GLIS3: variants seen among roughly 807,000 people sequenced by gnomAD.
The protein encoded by GLIS3 is GLIS family zinc finger 3, also known as zinc finger protein GLIS3.
Under a neutral mutation model 78.6 loss-of-function variants are expected in GLIS3, and 53 were observed. The observed-to-expected ratio is 0.67, with a 90% CI of 0.54 to 0.85. GLIS3 has a LOEUF of 0.85. GLIS3 is among the 40% of genes least tolerant of loss of function. The pLI is 0.00. For missense variants in GLIS3, 1,703 were observed against 1,231.1 expected (o/e 1.38, Z -5.74); for synonymous variants, 684 against 509.9 (o/e 1.34, Z -4.60).
intron 2 of GLIS3, among the ~76,000 whole-genome samples, chr9:4,143,289 G>A (rs141269326): frequency 6.6e-5 from 10 of 152,002 alleles, no homozygotes; most frequent in Admixed American, 6.6e-5. Context: ...TCTCTTGGCC[G>A]GGCACAGTGG....
chr9:4,378,779 G>A, the GLIS3 span, among the ~76,000 whole-genome samples: 1 of 152,124 alleles, frequency 6.6e-6, no homozygotes, highest in African/African-American at 2.4e-5. Flanking sequence ...TTCCCTGAGA[G>A]CAATAACTTA....
intron 8 of GLIS3, among the ~76,000 whole-genome samples, chr9:3,864,125 T>C (rs1183286646): frequency 6.6e-6 from 1 of 152,056 alleles, no homozygotes; most frequent in Non-Finnish European, 1.5e-5. Context: ...CCTAGACATT[T>C]GATGTAAAAA....
At chr9:3,999,669 A>G (rs78695464) in intron 4 of GLIS3, among the ~76,000 whole-genome samples, 2,005 of 152,274 alleles carry the variant, frequency 0.013, 56 homozygotes, top group African/African-American at 0.046. Context: ...AAAAGTCACT[A>G]TTGTAAACAT....
At chr9:4,310,767 A>T (rs1196144693) in intron 2 of GLIS3, among the ~76,000 whole-genome samples, 3 of 152,148 alleles carry the variant, frequency 2.0e-5, no homozygotes, top group Admixed American at 2.0e-4. Flanking sequence ...TGGGAAGGTG[A>T]TGAGGACTTG....
chr9:3,900,319 A>C lies in GLIS3; in HGVS notation c.1984-1484T>G, dbSNP rs890705677. ...AAAAACTTAAAAAAAAACAGTAATG[A>C]AGGTACAGTGAGAGAGGCATTGTTC... On this transcript the variant is annotated intron_variant, in intron 6 of 10. Coordinates refer to ENST00000381971, the MANE Select transcript of GLIS3 (RefSeq NM_001042413.2). Among the ~76,000 whole-genome samples, 95 of 152,134 alleles carry C rather than the reference A, an allele frequency of 6.2e-4. 1 individual carries two copies. The highest frequency in any genetic ancestry group is 3.2e-4 in the Non-Finnish European group (22 of 68,020).
the GLIS3 span, among the ~76,000 whole-genome samples, chr9:4,387,717 C>A: frequency 6.6e-6 from 1 of 152,210 alleles, no homozygotes; most frequent in Admixed American, 6.5e-5. Context: ...TCCCCTACCA[C>A]TGAATTTCTA....
At chr9:3,861,196 T>G (rs950549798) in intron 8 of GLIS3, among the ~76,000 whole-genome samples, 16 of 152,296 alleles carry the variant, frequency 1.1e-4, no homozygotes, top group African/African-American at 3.6e-4. Flanking sequence ...GTCCCAGCAA[T>G]GTATTAGAAC....
At chr9:4,096,469 G>C (rs1325889193) in intron 4 of GLIS3, among the ~76,000 whole-genome samples, 1 of 152,152 alleles carries the variant, frequency 6.6e-6, no homozygotes, top group Non-Finnish European at 1.5e-5. Flanking sequence ...CTTTAATTCA[G>C]TAGTCATTTA....
intron 2 of GLIS3, among the ~76,000 whole-genome samples, chr9:4,194,587 T>G (rs1296447317): frequency 2.0e-5 from 3 of 152,138 alleles, no homozygotes; most frequent in Non-Finnish European, 4.4e-5. Context: ...TCTGTGAGCT[T>G]TAATTCAAGA....
Position 3,898,429 on chromosome 9 carries a change from G to A in GLIS3, c.2128+262C>T, listed in dbSNP as rs1408762964. The A allele has an allele frequency of 1.8e-5, 9 of 510,064 alleles. No individual in the cohort carries two copies. The South Asian group carries it at 1.8e-4, about 10-fold the overall frequency. 31.6% of individuals were successfully genotyped at this position (510,064 alleles called of 1,614,324 possible). On this transcript the variant is annotated intron_variant, in intron 7 of 10. Transcript: ENST00000381971. ...GAGTAAATGTAACATAACTGCGAGG[G>A]TTGGGTACACTGAATTTCTGGCAGA...
the GLIS3 span, among the ~76,000 whole-genome samples, chr9:4,445,369 A>C: frequency 1.3e-5 from 2 of 152,060 alleles, no homozygotes; most frequent in African/African-American, 4.8e-5. Flanking sequence ...GTTCACGCCT[A>C]TAATCCCAGC....
intron 2 of GLIS3, among the ~76,000 whole-genome samples, chr9:4,310,715 A>G (rs546146822): frequency 3.9e-5 from 6 of 152,282 alleles, no homozygotes; most frequent in Admixed American, 1.3e-4. Flanking sequence ...CAATGAGCCA[A>G]TCACCCAGGA....
chr9:3,924,314 T>C (rs1222551133), intron 6 of GLIS3, among the ~76,000 whole-genome samples: 1 of 152,242 alleles, frequency 6.6e-6, no homozygotes, highest in African/African-American at 2.4e-5. Flanking sequence ...AACAATGCTT[T>C]CTACTGAACT....
intron 4 of GLIS3, among the ~76,000 whole-genome samples, chr9:4,050,187 G>A (rs1014699773): frequency 1.3e-5 from 2 of 152,014 alleles, no homozygotes; most frequent in African/African-American, 4.8e-5. Context: ...GCAAAGACTT[G>A]GAACCAACCC....
chr9:3,839,387 G>T (rs1170319074), intron 9 of GLIS3, among the ~76,000 whole-genome samples: 1 of 152,112 alleles, frequency 6.6e-6, no homozygotes, highest in Non-Finnish European at 1.5e-5. Context: ...TTTCTTACTG[G>T]CGGGTTCCTT....
chr9:4,256,904 A>C (rs923686477), intron 2 of GLIS3, among the ~76,000 whole-genome samples: 1 of 152,210 alleles, frequency 6.6e-6, no homozygotes, highest in African/African-American at 2.4e-5. Context: ...TCCCATGTTC[A>C]CTGAAGCATT....
chr9:4,100,987 C>T (rs1830327956), intron 4 of GLIS3, among the ~76,000 whole-genome samples: 1 of 152,150 alleles, frequency 6.6e-6, no homozygotes, highest in South Asian at 2.1e-4. Flanking sequence ...GAGGAAGGAA[C>T]TGGGCTGGGG....
At position 4,125,824 on chromosome 9, in the gene GLIS3, C is replaced by A. The variant is rs1358587097; in HGVS notation, c.506G>T (p.Ser169Ile). 1 of 1,613,970 alleles carries A rather than the reference C, an allele frequency of 6.2e-7. No individual in the cohort carries two copies. The highest frequency in any genetic ancestry group is 2.2e-5 in the East Asian group (1 of 44,894). ...CTGGTTGCATGCTGTAGAGACCTGG[C>A]TTGCTGGAGGTGAAATGAGTCCCAG... ...QRLGLISPPA[S>I]QVSTACNQIS... The change falls in exon 3 of 11, where the codon AGC becomes ATC. Residue 169 changes from serine to isoleucine, a missense_variant. Coordinates refer to ENST00000381971, the MANE Select transcript of GLIS3 (RefSeq NM_001042413.2).
intron 2 of GLIS3, among the ~76,000 whole-genome samples, chr9:4,188,213 T>C (rs959844644): frequency 4.6e-5 from 7 of 151,792 alleles, no homozygotes; most frequent in African/African-American, 7.3e-5. Flanking sequence ...TGAAGGGTTG[T>C]TGAATTTTGT....
Sources: allele counts gnomAD v4.1 joint callset (sites outside exome capture counted in the v4.1 genomes callset), GRCh38; gene constraint gnomAD v4.1.1; transcripts MANE v1.5; gene names NCBI Gene and HGNC (gene_info 2026-07-23, HGNC 2026-07-21).